Variants in CALCRL observed in about 807,000 individuals in gnomAD.
CALCRL encodes the protein calcitonin gene-related peptide type 1 receptor.
In CALCRL, 27 loss-of-function variants were observed where a neutral mutation model predicts 60.4. The ratio of observed to expected loss-of-function variants is 0.45; its 90% CI spans 0.33 to 0.62. The LOEUF is 0.62. CALCRL is among the 20% of genes least tolerant of loss of function. The pLI is 0.03. For synonymous variants in CALCRL, 190 were observed against 182.6 expected, an observed-to-expected ratio of 1.04 and a Z score of -0.33; for missense variants, 424 against 540.7, an observed-to-expected ratio of 0.78 and a Z score of 2.14.
intron 8 of CALCRL, among the ~76,000 whole-genome samples, chr2:187,378,259 G>T (rs770876942): frequency 6.6e-6 from 1 of 152,072 alleles, no homozygotes; most frequent in East Asian, 1.9e-4. Context: ...CTCTTGTCAC[G>T]CTGAATTCTA....
chr2:187,432,824 T>C (rs1003777693), intron 1 of CALCRL, among the ~76,000 whole-genome samples: 1 of 152,110 alleles, frequency 6.6e-6, no homozygotes, highest in Non-Finnish European at 1.5e-5. Context: ...TTTCATACTG[T>C]ATTTTTACTG....
intron 12 of CALCRL, among the ~76,000 whole-genome samples, chr2:187,357,790 TATA>T (rs137983583): frequency 0.11 from 15,900 of 147,354 alleles, 2,159 homozygotes; most frequent in African/African-American, 0.32. Context: ...AAACTTAAAG[TATA>T]ATAATAATAA....
intron 1 of CALCRL, among the ~76,000 whole-genome samples, chr2:187,440,031 A>G (rs1027141681): frequency 4.6e-5 from 7 of 152,112 alleles, no homozygotes; most frequent in Non-Finnish European, 1.0e-4. Flanking sequence ...ATTCAAATAA[A>G]TACTCCCTCA....
rs1224281643 is a variant in CALCRL at position 187,343,993 on chromosome 2, T to G, written c.*2191A>C. On this transcript the variant is annotated 3_prime_UTR_variant, in exon 15 of 15. Coordinates refer to ENST00000392370, the MANE Select transcript of CALCRL (RefSeq NM_005795.6). ...AAATTACATGTTTATTTTAATATAATCTCTGATCATTCAACATTTTTTACT... is the reference window on the plus strand; with the variant it reads ...AAATTACATGTTTATTTTAATATAAGCTCTGATCATTCAACATTTTTTACT... 1 of 150,994 alleles carries G rather than the reference T, an allele frequency of 6.6e-6. No individual in the cohort carries two copies. Among genetic ancestry groups the G allele is most frequent in the Non-Finnish European group, 1.5e-5 (1 of 67,586 alleles). 9.4% of individuals were successfully genotyped at this position (150,994 alleles called of 1,614,324 possible).
At chr2:187,394,893 A>G (rs9288141) in intron 1 of CALCRL, among the ~76,000 whole-genome samples, 11,488 of 152,096 alleles carry the variant, frequency 0.076, 586 homozygotes, top group East Asian at 0.18. Flanking sequence ...TAATGTGACC[A>G]GTAAATGAGA....
At chr2:187,438,418 C>T (rs1690742027) in intron 1 of CALCRL, among the ~76,000 whole-genome samples, 1 of 152,156 alleles carries the variant, frequency 6.6e-6, no homozygotes, top group Admixed American at 6.5e-5. Flanking sequence ...AAATTACAGA[C>T]TGACAAACAT....
intron 8 of CALCRL, among the ~76,000 whole-genome samples, chr2:187,378,657 C>T (rs530527825): frequency 4.6e-5 from 7 of 152,188 alleles, no homozygotes; most frequent in Non-Finnish European, 8.8e-5. Context: ...TTTAACAGTT[C>T]CCAAAGCAAA....
chr2:187,410,020 C>T (rs1689291950), intron 1 of CALCRL, among the ~76,000 whole-genome samples: 1 of 152,180 alleles, frequency 6.6e-6, no homozygotes, highest in Admixed American at 6.5e-5. Flanking sequence ...TCTTATTACA[C>T]TGGCAAACCT....
intron 8 of CALCRL, among the ~76,000 whole-genome samples, chr2:187,377,957 C>T (rs1370300630): frequency 6.6e-6 from 1 of 151,476 alleles, no homozygotes; most frequent in African/African-American, 2.4e-5. Flanking sequence ...GTATATATAT[C>T]TTCTTTGTTT....
chr2:187,435,672 A>C (rs2105900528), intron 1 of CALCRL, among the ~76,000 whole-genome samples: 1 of 152,280 alleles, frequency 6.6e-6, no homozygotes, highest in South Asian at 2.1e-4. Flanking sequence ...ATGAAATGCA[A>C]TTTATTAGGG....
chr2:187,429,638 C>G (rs1298634241), intron 1 of CALCRL, among the ~76,000 whole-genome samples: 23 of 152,096 alleles, frequency 1.5e-4, no homozygotes, highest in Admixed American at 1.5e-3. Context: ...TTTTTAATCT[C>G]CATAAAGATA....
intron 14 of CALCRL, among the ~76,000 whole-genome samples, chr2:187,348,797 T>G (rs1175702568): frequency 6.6e-6 from 1 of 151,606 alleles, no homozygotes; most frequent in African/African-American, 2.4e-5. Context: ...TAATACAATA[T>G]CACACCTGTT....
At chr2:187,381,331 A>G (rs1265768727) in intron 5 of CALCRL, among the ~76,000 whole-genome samples, 1 of 152,182 alleles carries the variant, frequency 6.6e-6, no homozygotes, top group Non-Finnish European at 1.5e-5. Flanking sequence ...AATGTTCAAT[A>G]ATCTCACATT....
intron 14 of CALCRL, among the ~76,000 whole-genome samples, chr2:187,350,206 A>G (rs1316660743): frequency 6.6e-6 from 1 of 151,678 alleles, no homozygotes; most frequent in Non-Finnish European, 1.5e-5. Context: ...TGGAATTAAA[A>G]TCTGTTTCTG....
At chr2:187,373,776 A>T (rs968555516) in intron 8 of CALCRL, among the ~76,000 whole-genome samples, 1 of 152,174 alleles carries the variant, frequency 6.6e-6, no homozygotes, top group Non-Finnish European at 1.5e-5. Context: ...TAATATGTAT[A>T]ACTGAGGATT....
chr2:187,369,318 A>C (rs1687425607), intron 8 of CALCRL, among the ~76,000 whole-genome samples: 1 of 152,180 alleles, frequency 6.6e-6, no homozygotes, highest in African/African-American at 2.4e-5. Flanking sequence ...CTTGGGCTCC[A>C]AAACCAACCA....
At chr2:187,446,479 C>G (rs1691191796) in intron 1 of CALCRL, among the ~76,000 whole-genome samples, 1 of 151,494 alleles carries the variant, frequency 6.6e-6, no homozygotes, top group African/African-American at 2.4e-5. Context: ...GGGTTTGGGA[C>G]TAGCAATTAA....
rs1195600496 is a variant in CALCRL, at chr2:187,376,571, G to T, written c.500+2369C>A. Among the ~76,000 whole-genome samples the T allele has an allele frequency of 6.6e-5, 10 of 152,164 alleles. No individual in the cohort carries two copies. In the Middle Eastern group the frequency reaches 0.014, roughly 207 times the overall value. On this transcript the variant is annotated intron_variant, in intron 8 of 14. Transcript: ENST00000392370. Reference sequence around the variant, plus strand: ...CTTGCAGCATTGTTTTCACTTGGCAGCCCTACTCTTATCTAATTAGTTCAC... The same window carrying T: ...CTTGCAGCATTGTTTTCACTTGGCATCCCTACTCTTATCTAATTAGTTCAC...
intron 1 of CALCRL, among the ~76,000 whole-genome samples, chr2:187,430,730 C>G (rs1004372661): frequency 1.3e-5 from 2 of 151,982 alleles, no homozygotes; most frequent in Non-Finnish European, 2.9e-5. Flanking sequence ...ATAAGGTTAT[C>G]ATCTTATGTT....
Sources: allele counts gnomAD v4.1 joint callset (sites outside exome capture counted in the v4.1 genomes callset), GRCh38; gene constraint gnomAD v4.1.1; transcripts MANE v1.5; gene names NCBI Gene and HGNC (gene_info 2026-07-23, HGNC 2026-07-21).